Variants in TENM2 observed in about 807,000 individuals in gnomAD.
TENM2 encodes teneurin-2.
Under a neutral mutation model 245.2 loss-of-function variants are expected in TENM2, and 52 were observed. That is an observed-to-expected ratio of 0.21 (90% CI 0.17 to 0.27). The LOEUF is 0.27. TENM2 is among the 10% of genes least tolerant of loss of function. TENM2 has a pLI of 1.00. For synonymous variants in TENM2, 1,363 were observed against 1,438.9 expected (o/e 0.95, Z 1.19); for missense variants, 3,046 against 3,666.8 (o/e 0.83, Z 4.37).
intron 2 of TENM2, among the ~76,000 whole-genome samples, chr5:167,460,433 A>T (rs1766223621): frequency 6.6e-6 from 1 of 152,102 alleles, no homozygotes; most frequent in Admixed American, 6.5e-5. Context: ...TTGAATTGAG[A>T]TGGGGATTCA....
chr5:167,597,471 C>A (rs975216148), intron 2 of TENM2, among the ~76,000 whole-genome samples: 1 of 152,152 alleles, frequency 6.6e-6, no homozygotes, highest in Non-Finnish European at 1.5e-5. Context: ...CGTGAGCCAC[C>A]ATGCCCCATC....
intron 2 of TENM2, among the ~76,000 whole-genome samples, chr5:167,391,930 G>T (rs966751992): frequency 1.3e-5 from 2 of 152,116 alleles, no homozygotes; most frequent in Non-Finnish European, 2.9e-5. Context: ...AGAGAGAGAA[G>T]AGGAGGGAGC....
intron 2 of TENM2, among the ~76,000 whole-genome samples, chr5:167,388,590 T>A (rs1490078207): frequency 6.6e-6 from 1 of 152,034 alleles, no homozygotes. Flanking sequence ...TGAGGTGTGA[T>A]CTTAGATTGT....
intron 2 of TENM2, among the ~76,000 whole-genome samples, chr5:167,739,982 T>C (rs551617592): frequency 1.9e-4 from 29 of 152,334 alleles, no homozygotes; most frequent in Admixed American, 1.1e-3. Context: ...TTGCTACAGA[T>C]GCTACTAAAA....
At chr5:167,478,986 A>ATC (rs1327232375) in intron 2 of TENM2, among the ~76,000 whole-genome samples, 1 of 19,682 alleles carries the variant, frequency 5.1e-5, no homozygotes, top group Non-Finnish European at 1.1e-4. Context: ...ACTACTTTAT[A>ATC]TATATGTGTG....
chr5:167,214,343 A>G, the TENM2 span, among the ~76,000 whole-genome samples: 1 of 152,138 alleles, frequency 6.6e-6, no homozygotes, highest in Non-Finnish European at 1.5e-5. Context: ...ATAACATACC[A>G]TGGAAGGGAT....
intron 3 of TENM2, among the ~76,000 whole-genome samples, chr5:167,924,831 C>A (rs555024723): frequency 6.6e-6 from 1 of 152,256 alleles, no homozygotes; most frequent in African/African-American, 2.4e-5. Flanking sequence ...AGGGAAAAAA[C>A]ACTTAGGTAT....
intron 2 of TENM2, among the ~76,000 whole-genome samples, chr5:167,708,801 A>T (rs912722190): frequency 2.0e-5 from 3 of 152,210 alleles, no homozygotes; most frequent in African/African-American, 4.8e-5. Flanking sequence ...CTAACTGACT[A>T]ATACTATATA....
intron 20 of TENM2, among the ~76,000 whole-genome samples, chr5:168,213,388 G>A (rs1336942579): frequency 6.6e-6 from 1 of 152,030 alleles, no homozygotes; most frequent in Admixed American, 6.5e-5. Context: ...TTAAATCAGA[G>A]AAGACCCCAA....
the TENM2 span, among the ~76,000 whole-genome samples, chr5:167,102,889 A>T: frequency 3.3e-5 from 5 of 152,122 alleles, no homozygotes. Context: ...CAAACTCTTG[A>T]CCTCAAGTGA....
chr5:167,122,757 AT>A, the TENM2 span, among the ~76,000 whole-genome samples: 3 of 152,112 alleles, frequency 2.0e-5, no homozygotes, highest in Non-Finnish European at 2.9e-5. Context: ...AATCATTAAG[AT>A]TTGCCTATTT....
intron 2 of TENM2, among the ~76,000 whole-genome samples, chr5:167,384,832 C>T (rs1761323454): frequency 1.3e-5 from 2 of 152,184 alleles, no homozygotes; most frequent in African/African-American, 4.8e-5. Context: ...AGTCTACCTG[C>T]TTCTTAGCAT....
At chr5:167,761,307 A>C (rs918906210) in intron 2 of TENM2, among the ~76,000 whole-genome samples, 1 of 152,132 alleles carries the variant, frequency 6.6e-6, no homozygotes, top group Non-Finnish European at 1.5e-5. Flanking sequence ...ATTAACATAT[A>C]AGCTCAACCA....
intron 2 of TENM2, among the ~76,000 whole-genome samples, chr5:167,458,498 A>C (rs1766069185): frequency 7.2e-6 from 1 of 139,182 alleles, no homozygotes; most frequent in Non-Finnish European, 1.5e-5. Context: ...AAAAAACAAA[A>C]AAAAAAAAAA....
At chr5:167,220,497 A>G in the TENM2 span, among the ~76,000 whole-genome samples, 1 of 152,332 alleles carries the variant, frequency 6.6e-6, no homozygotes, top group East Asian at 1.9e-4. Context: ...TCACATGTAT[A>G]ATAAACCTAT....
intron 25 of TENM2, among the ~76,000 whole-genome samples, chr5:168,239,263 C>T (rs1432555083): frequency 2.6e-5 from 4 of 152,174 alleles, no homozygotes; most frequent in African/African-American, 7.2e-5. Flanking sequence ...CTCCTTGGCT[C>T]ACCTTCCAGT....
chr5:167,656,507 G>A (rs1008307230), intron 2 of TENM2, among the ~76,000 whole-genome samples: 7 of 152,100 alleles, frequency 4.6e-5, no homozygotes, highest in Non-Finnish European at 8.8e-5. Context: ...CCCAGGAACC[G>A]TGTCAAGTAA....
At chr5:167,022,769 C>G in the TENM2 span, among the ~76,000 whole-genome samples, 13 of 152,136 alleles carry the variant, frequency 8.5e-5, no homozygotes, top group Admixed American at 3.9e-4. Flanking sequence ...GCCCCTTCCC[C>G]TAGTCATTGT....
At chr5:167,516,431 G>A (rs756939283) in intron 2 of TENM2, among the ~76,000 whole-genome samples, 3 of 152,094 alleles carry the variant, frequency 2.0e-5, no homozygotes, top group East Asian at 1.9e-4. Flanking sequence ...TGCCATGCTC[G>A]TGTGCCTTTT....
Sources: gnomAD v4.1 joint callset for allele counts (sites outside exome capture counted in the v4.1 genomes callset) on GRCh38, gnomAD v4.1.1 for gene constraint, MANE v1.5 for transcripts, NCBI Gene and HGNC (gene_info 2026-07-23, HGNC 2026-07-21) for gene names.